CACNA1C: variants seen among roughly 807,000 people sequenced by gnomAD.
CACNA1C encodes the protein calcium voltage-gated channel subunit alpha1 C.
A neutral mutation model predicts 229.0 loss-of-function variants in CACNA1C; 30 were observed. The observed-to-expected ratio is 0.13, with a 90% CI of 0.10 to 0.18. CACNA1C has a LOEUF of 0.18. Among genes scored for constraint, CACNA1C ranks in the 10% least tolerant of loss-of-function variants. The probability of loss-of-function intolerance (pLI) is 1.00; values close to 1 mark genes in which losing one functional copy is unlikely to be tolerated. For synonymous variants in CACNA1C, 1,114 were observed against 1,132.5 expected (o/e 0.98, Z 0.33); for missense variants, 1,658 against 2,845.0 (o/e 0.58, Z 9.49).
intron 29 of CACNA1C, among the ~76,000 whole-genome samples, chr12:2,627,441 C>T (rs1016729513): frequency 1.3e-5 from 2 of 152,250 alleles, no homozygotes; most frequent in Admixed American, 6.5e-5. Flanking sequence ...CCACCACCGC[C>T]GCCAGCTGCC....
At chr12:2,210,350 G>A (rs1482175413) in intron 3 of CACNA1C, among the ~76,000 whole-genome samples, 3 of 152,232 alleles carry the variant, frequency 2.0e-5, no homozygotes, top group Admixed American at 1.3e-4. Flanking sequence ...GGCTGAAACA[G>A]TGGCATCTGT....
intron 3 of CACNA1C, among the ~76,000 whole-genome samples, chr12:2,237,718 G>A (rs1281917256): frequency 6.6e-6 from 1 of 152,200 alleles, no homozygotes; most frequent in African/African-American, 2.4e-5. Context: ...GGCAGATGGT[G>A]GCTTTAATCT....
At chr12:2,444,112 A>C (rs1235627239) in intron 3 of CACNA1C, among the ~76,000 whole-genome samples, 1 of 152,184 alleles carries the variant, frequency 6.6e-6, no homozygotes, top group Non-Finnish European at 1.5e-5. Context: ...TTAAACAATC[A>C]GGCATGAGGA....
chr12:2,242,710 C>T (rs1304992213), intron 3 of CACNA1C, among the ~76,000 whole-genome samples: 2 of 152,208 alleles, frequency 1.3e-5, no homozygotes, highest in Non-Finnish European at 2.9e-5. Context: ...GCCAAAGAAC[C>T]TAAAGACTTG....
intron 3 of CACNA1C, among the ~76,000 whole-genome samples, chr12:2,163,364 G>A (rs2096012556): frequency 6.6e-6 from 1 of 152,198 alleles, no homozygotes; most frequent in South Asian, 2.1e-4. Context: ...GAATGGCTTG[G>A]GCACCAGGCC....
chr12:2,335,346 G>A (rs1459011864), intron 3 of CACNA1C, among the ~76,000 whole-genome samples: 1 of 151,974 alleles, frequency 6.6e-6, no homozygotes, highest in African/African-American at 2.4e-5. Flanking sequence ...ACAAACATCT[G>A]TGATTTACGA....
chr12:2,638,352 G>A (rs974313506), intron 30 of CACNA1C, among the ~76,000 whole-genome samples: 2 of 152,210 alleles, frequency 1.3e-5, no homozygotes, highest in Admixed American at 1.3e-4. Flanking sequence ...TGGAGATCGG[G>A]AGAAGAGGTA....
At chr12:2,217,109 A>G (rs1210681816) in intron 3 of CACNA1C, among the ~76,000 whole-genome samples, 1 of 152,256 alleles carries the variant, frequency 6.6e-6, no homozygotes, top group Non-Finnish European at 1.5e-5. Flanking sequence ...ATGCTACAAC[A>G]TGGATGAACC....
At chr12:2,188,202 G>A (rs1598483082) in intron 3 of CACNA1C, among the ~76,000 whole-genome samples, 1 of 152,288 alleles carries the variant, frequency 6.6e-6, no homozygotes, top group Non-Finnish European at 1.5e-5. Flanking sequence ...CTGCCTTTCC[G>A]CATATCAAAC....
At chr12:2,420,526 C>T (rs574852703) in intron 3 of CACNA1C, among the ~76,000 whole-genome samples, 40 of 152,268 alleles carry the variant, frequency 2.6e-4, no homozygotes, top group African/African-American at 9.6e-4. Flanking sequence ...TGTGTTGGGC[C>T]AAGGTGGAAG....
At chr12:2,584,427 C>G (rs2061676226) in intron 15 of CACNA1C, 76 bp from the exon 16 acceptor site, 2 of 1,001,128 alleles carry the variant, frequency 2.0e-6, no homozygotes, top group East Asian at 4.8e-5. Context: ...CCCTGCACGC[C>G]CCACATCCCC....
intron 7 of CACNA1C, among the ~76,000 whole-genome samples, chr12:2,501,657 A>T (rs2099760630): frequency 6.6e-6 from 1 of 152,062 alleles, no homozygotes; most frequent in African/African-American, 2.4e-5. Flanking sequence ...TTCTCTCCCT[A>T]ATCTCATGTC....
chr12:2,391,269 G>A (rs774989759), intron 3 of CACNA1C, among the ~76,000 whole-genome samples: 5 of 152,182 alleles, frequency 3.3e-5, no homozygotes, highest in Non-Finnish European at 7.4e-5. Flanking sequence ...TTAGGAGTTT[G>A]TATCTATGGG....
chr12:2,119,460 G>A (rs139810210), intron 2 of CACNA1C, among the ~76,000 whole-genome samples: 1 of 152,170 alleles, frequency 6.6e-6, no homozygotes, highest in Non-Finnish European at 1.5e-5. Flanking sequence ...CGTCGGAAGG[G>A]GTATTATCAC....
intron 1 of CACNA1C, among the ~76,000 whole-genome samples, chr12:2,003,323 A>G (rs1025411564): frequency 1.3e-5 from 2 of 152,246 alleles, no homozygotes; most frequent in East Asian, 3.8e-4. Flanking sequence ...CTTGAAGAAC[A>G]CAAAAAGTTT....
At chr12:2,460,778 A>G (rs942735904) in intron 5 of CACNA1C, among the ~76,000 whole-genome samples, 1 of 152,220 alleles carries the variant, frequency 6.6e-6, no homozygotes, top group Non-Finnish European at 1.5e-5. Flanking sequence ...AGGTAGCTCC[A>G]TGCTTATGCA....
chr12:2,146,074 A>G (rs1352998818), intron 3 of CACNA1C, among the ~76,000 whole-genome samples: 1 of 150,248 alleles, frequency 6.7e-6, no homozygotes, highest in African/African-American at 2.4e-5. Context: ...TGTTATTTTT[A>G]TTATTGAGTG....
At chr12:2,438,075 A>ATGG (rs552465811) in intron 3 of CACNA1C, among the ~76,000 whole-genome samples, 74 of 126,410 alleles carry the variant, frequency 5.9e-4, no homozygotes, top group African/African-American at 2.2e-3. Context: ...GATGGTAGTG[A>ATGG]TGGTGGTAAT....
chr12:2,525,267 C>A (rs1007359537), intron 9 of CACNA1C, among the ~76,000 whole-genome samples: 1 of 152,038 alleles, frequency 6.6e-6, no homozygotes, highest in South Asian at 2.1e-4. Context: ...AAGCTGGAGG[C>A]GGAGTGGGGG....
Sources: allele counts gnomAD v4.1 joint callset (sites outside exome capture counted in the v4.1 genomes callset), GRCh38; gene constraint gnomAD v4.1.1; transcripts MANE v1.5; gene names NCBI Gene and HGNC (gene_info 2026-07-23, HGNC 2026-07-21).